Variants in UNC5C observed in about 807,000 individuals in gnomAD.
UNC5C encodes netrin receptor UNC5C.
UNC5C carries 47 observed loss-of-function variants against 99.8 expected under a neutral mutation model. The ratio of observed to expected loss-of-function variants is 0.47; its 90% CI spans 0.37 to 0.60. The LOEUF (loss-of-function observed/expected upper bound fraction) is 0.60, where lower values mean the gene tolerates loss of function less well. Among genes scored for constraint, UNC5C ranks in the 20% least tolerant of loss-of-function variants. The pLI is 0.00. For synonymous variants in UNC5C, 487 were observed against 452.2 expected, an observed-to-expected ratio of 1.08 and a Z score of -0.98; for missense variants, 1,062 against 1,165.9, an observed-to-expected ratio of 0.91 and a Z score of 1.30.
chr4:95,449,264 A>C (rs34603325), intron 1 of UNC5C, among the ~76,000 whole-genome samples: 3,452 of 152,264 alleles, frequency 0.023, 45 homozygotes, highest in Middle Eastern at 0.031. Context: ...ATTTATGTAC[A>C]TGCTTGGTAC....
chr4:95,369,882 G>A (rs932736384), intron 1 of UNC5C, among the ~76,000 whole-genome samples: 1 of 151,618 alleles, frequency 6.6e-6, no homozygotes, highest in Non-Finnish European at 1.5e-5. Context: ...ACTGCTTTTT[G>A]TAGCCCCCCC....
chr4:95,506,042 A>T (rs1016644470), intron 1 of UNC5C, among the ~76,000 whole-genome samples: 1 of 152,032 alleles, frequency 6.6e-6, no homozygotes, highest in Non-Finnish European at 1.5e-5. Flanking sequence ...AAAGAAAAGG[A>T]TGAGAAAACA....
Position 95,168,827 on chromosome 4 carries a change from C to T in UNC5C, c.*407G>A, listed in dbSNP as rs774138826. On this transcript the variant is annotated 3_prime_UTR_variant, in exon 16 of 16. Coordinates refer to ENST00000453304, the MANE Select transcript of UNC5C (RefSeq NM_003728.4). ...ATGATTTGAACAAAAATAGAACGAG[C>T]CATGGACAGTGTCTGCATCCCTGTC... 33 of 161,488 alleles carry T rather than the reference C, an allele frequency of 2.0e-4. No individual in the cohort carries two copies. Among genetic ancestry groups the T allele is most frequent in the Middle Eastern group, 3.2e-3 (1 of 310 alleles). The allele number at this position is 161,488 out of a possible 1,614,324, so 10.0% of individuals were successfully genotyped here. A position where few individuals can be genotyped will look rare whatever the true frequency, so the allele number is the denominator to read the frequency against.
chr4:95,489,098 G>A (rs1560482135), intron 1 of UNC5C, among the ~76,000 whole-genome samples: 1 of 137,676 alleles, frequency 7.3e-6, no homozygotes. Flanking sequence ...AGGGAGGCAG[G>A]AAAGGGGGAG....
At chr4:95,390,548 G>T (rs1745326918) in intron 1 of UNC5C, among the ~76,000 whole-genome samples, 1 of 152,140 alleles carries the variant, frequency 6.6e-6, no homozygotes, top group Non-Finnish European at 1.5e-5. Flanking sequence ...TCCTGCAATT[G>T]TCCCCACCTC....
intron 1 of UNC5C, among the ~76,000 whole-genome samples, chr4:95,439,071 T>C (rs1221699417): frequency 6.6e-6 from 1 of 152,162 alleles, no homozygotes; most frequent in East Asian, 1.9e-4. Flanking sequence ...GATTTCAGTC[T>C]CTTTCTACCC....
chr4:95,195,370 C>T (rs899163089), intron 12 of UNC5C, among the ~76,000 whole-genome samples: 1 of 152,132 alleles, frequency 6.6e-6, no homozygotes, highest in Non-Finnish European at 1.5e-5. Flanking sequence ...CTTTAACACA[C>T]GTTTTGTTGT....
chr4:95,431,766 A>G (rs1243074019), intron 1 of UNC5C, among the ~76,000 whole-genome samples: 2 of 152,166 alleles, frequency 1.3e-5, no homozygotes, highest in Non-Finnish European at 2.9e-5. Flanking sequence ...AAGTACCTTT[A>G]GAAGAGACAT....
At chr4:95,449,181 G>A (rs1327190767) in intron 1 of UNC5C, among the ~76,000 whole-genome samples, 1 of 152,142 alleles carries the variant, frequency 6.6e-6, no homozygotes, top group South Asian at 2.1e-4. Flanking sequence ...AAAGACCACT[G>A]TTACCTGGCC....
chr4:95,401,109 A>G (rs915957405), intron 1 of UNC5C, among the ~76,000 whole-genome samples: 7 of 151,988 alleles, frequency 4.6e-5, no homozygotes, highest in Non-Finnish European at 8.8e-5. Flanking sequence ...TGTCCTTGAG[A>G]TATAACATTT....
chr4:95,435,297 A>C (rs576599940), intron 1 of UNC5C, among the ~76,000 whole-genome samples: 1 of 138,158 alleles, frequency 7.2e-6, no homozygotes, highest in South Asian at 2.5e-4. Flanking sequence ...CAGAAAAATC[A>C]AAATGTTGTC....
chr4:95,242,602 GA>G lies in UNC5C; in HGVS notation c.944-10del, dbSNP rs748280321. The G allele has an allele frequency of 3.9e-5, 60 of 1,555,208 alleles. No individual in the cohort carries two copies. The highest frequency in any genetic ancestry group is 5.0e-5 in the Non-Finnish European group (57 of 1,148,294). On this transcript the variant is annotated splice_polypyrimidine_tract_variant and intron_variant, in intron 6 of 15. Coordinates refer to ENST00000453304, the MANE Select transcript of UNC5C (RefSeq NM_003728.4). ...CGTCCACCTGCCATCCACTGCCATG[GA>G]AAAAATGCAGCAGGAGGTCAGAGGG...
At chr4:95,258,229 T>C (rs1242567629) in intron 4 of UNC5C, among the ~76,000 whole-genome samples, 1 of 152,222 alleles carries the variant, frequency 6.6e-6, no homozygotes, top group Non-Finnish European at 1.5e-5. Flanking sequence ...TGCAAAGCTA[T>C]TTATTTGTAA....
Position 95,170,169 on chromosome 4 carries a change from T to A in UNC5C, c.2615A>T (p.Lys872Met). ...RGHDWRMLAH[K>M]LNLDRYLNYF... is the part of the protein sequence containing the mutation. ...CCATACCCACCTGTCCAGGTTCAGCTTATGGGCCAGCATCCTCCAGTCATG... is the reference window on the plus strand; with the variant it reads ...CCATACCCACCTGTCCAGGTTCAGCATATGGGCCAGCATCCTCCAGTCATG... Residue 872 changes from lysine (K) to methionine (M), a missense_variant, in exon 15 of 16, where the codon AAG (lysine) becomes ATG (methionine). By Grantham distance (95) the Lys-to-Met change is moderately conservative. This residue lies in a region of UNC5C where 810 missense variants were observed against 854.5 expected (regional missense o/e 0.95). Transcript: ENST00000453304. The A allele has an allele frequency of 6.2e-7, 1 of 1,614,080 alleles. No individual in the cohort carries two copies. Among genetic ancestry groups the A allele is most frequent in the Non-Finnish European group, 8.5e-7 (1 of 1,179,982 alleles).
At chr4:95,356,323 T>G (rs1430645321) in intron 1 of UNC5C, among the ~76,000 whole-genome samples, 6 of 152,064 alleles carry the variant, frequency 3.9e-5, no homozygotes, top group Non-Finnish European at 8.8e-5. Flanking sequence ...GGCTATAACT[T>G]ATAATCAAAA....
intron 1 of UNC5C, among the ~76,000 whole-genome samples, chr4:95,487,656 T>C (rs1198429204): frequency 2.0e-5 from 3 of 151,680 alleles, no homozygotes; most frequent in African/African-American, 7.3e-5. Context: ...AAATGTGAAG[T>C]TATTAGAGAA....
intron 4 of UNC5C, among the ~76,000 whole-genome samples, chr4:95,265,316 T>C (rs1180637309): frequency 6.6e-6 from 1 of 152,190 alleles, no homozygotes; most frequent in Non-Finnish European, 1.5e-5. Flanking sequence ...GTGCTGAATA[T>C]GATGTGATCG....
rs184342095 is a variant in UNC5C at position 95,226,100 on chromosome 4, C to T, written c.1109-5924G>A. 1.4e-4 allele frequency among the ~76,000 whole-genome samples: 21 copies of T among 152,286 alleles called. No individual in the cohort carries two copies. In the East Asian group the frequency reaches 3.7e-3, roughly 27 times the overall value. ...CAATAATGAAAAATAACATCTCCGG[C>T]GGAACACAGTGCAAAATAATTGTTT... On this transcript the variant is annotated intron_variant, in intron 7 of 15. Coordinates refer to ENST00000453304, the MANE Select transcript of UNC5C (RefSeq NM_003728.4).
chr4:95,462,256 T>C (rs1747626619), intron 1 of UNC5C, among the ~76,000 whole-genome samples: 1 of 152,122 alleles, frequency 6.6e-6, no homozygotes, highest in Non-Finnish European at 1.5e-5. Context: ...ATACAGTAAA[T>C]AGTTATAAAT....
Sources: gnomAD v4.1 joint callset for allele counts (sites outside exome capture counted in the v4.1 genomes callset) on GRCh38, gnomAD v4.1.1 for gene constraint, gnomAD v4.1.1 regional missense constraint, MANE v1.5 for transcripts, NCBI Gene and HGNC (gene_info 2026-07-23, HGNC 2026-07-21) for gene names.